The following MCPH1 variants were observed in gnomAD, a reference collection of about 807,000 sequenced individuals.
MCPH1 encodes microcephalin.
A neutral mutation model predicts 84.5 loss-of-function variants in MCPH1; 104 were observed. The ratio of observed to expected loss-of-function variants is 1.23; its 90% CI spans 1.05 to 1.45. MCPH1 has a LOEUF of 1.45. Ranked by LOEUF, MCPH1 falls within the 40% of genes most tolerant of loss-of-function variation. The pLI is 0.00. For missense variants in MCPH1, 1,498 were observed against 1,005.7 expected (o/e 1.49, Z -6.62); for synonymous variants, 514 against 366.8 (o/e 1.40, Z -4.58).
chr8:6,640,121 CGTGT>C (rs760065871), intron 13 of MCPH1, among the ~76,000 whole-genome samples: 10 of 122,154 alleles, frequency 8.2e-5, no homozygotes, highest in Admixed American at 2.5e-4. Flanking sequence ...TGTGTGTGTG[CGTGT>C]GTGTGTGTGT....
In MCPH1 at chr8:6,444,823, G is replaced by A. The variant is rs201084851; in HGVS notation, c.1101G>A (p.Pro367=). ...KRVSHGSHSP[P]KEKCKRKRST... is the part of the protein sequence containing the mutation. ...TATCACATGGCTCCCATTCACCTCCGAAGGAAAAATGCAAGAGAAAGAGGA... is the reference window on the plus strand; with the variant it reads ...TATCACATGGCTCCCATTCACCTCCAAAGGAAAAATGCAAGAGAAAGAGGA... Residue 367 remains proline (P), a synonymous_variant, in exon 8 of 14, where the codon CCG becomes CCA. Coordinates refer to ENST00000344683, the MANE Select transcript of MCPH1 (RefSeq NM_024596.5). 41 of 1,613,970 alleles carry A rather than the reference G, an allele frequency of 2.5e-5. No individual in the cohort carries two copies. Among genetic ancestry groups the A allele is most frequent in the East Asian group, 4.5e-5 (2 of 44,894 alleles).
At chr8:6,532,517 A>G (rs757965357) in intron 12 of MCPH1, 4 of 1,538,066 alleles carry the variant, frequency 2.6e-6, no homozygotes, top group East Asian at 2.4e-5. Context: ...GAAGGCAGTC[A>G]TTAGTCAAAT....
At chr8:6,527,006 T>A (rs1383381999) in intron 12 of MCPH1, among the ~76,000 whole-genome samples, 6 of 152,250 alleles carry the variant, frequency 3.9e-5, no homozygotes, top group Non-Finnish European at 8.8e-5. Flanking sequence ...TCATAAAATG[T>A]GCATTGGCTT....
At chr8:6,508,642 C>A in intron 12 of MCPH1, 1 of 574,538 alleles carries the variant, frequency 1.7e-6, no homozygotes, top group Admixed American at 3.3e-5. Flanking sequence ...ATCCAGCAAG[C>A]ACAAACGCAG....
At position 6,640,014 on chromosome 8, in the gene MCPH1, C is replaced by T. The variant is rs1047042161; in HGVS notation, c.2453-2980C>T. On this transcript the variant is annotated intron_variant, in intron 13 of 13. Transcript: ENST00000344683. The stretch of plus-strand genomic sequence containing the variant: ...TTAGCCTCCCAAGTAGGCGGGACTA[C>T]AGGCATGAACCCTGCAATACGGCTG... Among the ~76,000 whole-genome samples, 6 of 151,434 alleles carry T rather than the reference C, an allele frequency of 4.0e-5. No individual in the cohort carries two copies. In the East Asian group the frequency reaches 9.7e-4, roughly 24 times the overall value.
intron 12 of MCPH1, among the ~76,000 whole-genome samples, chr8:6,511,164 T>C (rs897876562): frequency 1.2e-4 from 18 of 152,220 alleles, no homozygotes; most frequent in Admixed American, 8.5e-4. Flanking sequence ...TTTATGAGTC[T>C]CTGTTAGAAA....
chr8:6,509,100 G>T (rs772309086), intron 12 of MCPH1: 3 of 1,598,236 alleles, frequency 1.9e-6, no homozygotes. Flanking sequence ...ATTGGCTAGG[G>T]TCATTGATTT....
chr8:6,492,997 A>G (rs1295325149), intron 11 of MCPH1, among the ~76,000 whole-genome samples: 2 of 152,188 alleles, frequency 1.3e-5, no homozygotes, highest in African/African-American at 2.4e-5. Context: ...CTTAGTAGCC[A>G]TAATATTTGG....
At chr8:6,504,562 C>G (rs1175153681) in intron 12 of MCPH1, among the ~76,000 whole-genome samples, 2 of 151,764 alleles carry the variant, frequency 1.3e-5, no homozygotes, top group Admixed American at 6.6e-5. Flanking sequence ...AATAATGGCC[C>G]CAAAAGTGCA....
At chr8:6,561,651 G>T (rs754305625) in intron 12 of MCPH1, among the ~76,000 whole-genome samples, 10 of 152,166 alleles carry the variant, frequency 6.6e-5, no homozygotes, top group Admixed American at 5.9e-4. Context: ...TGATGTAATG[G>T]CATCATCATG....
chr8:6,487,996 T>C (rs928725801), intron 11 of MCPH1, among the ~76,000 whole-genome samples: 1 of 152,262 alleles, frequency 6.6e-6, no homozygotes, highest in East Asian at 1.9e-4. Flanking sequence ...GTCTTACATT[T>C]ATCTCCAGGA....
intron 9 of MCPH1, among the ~76,000 whole-genome samples, chr8:6,461,630 A>G (rs1026810971): frequency 1.3e-5 from 2 of 151,864 alleles, no homozygotes; most frequent in African/African-American, 4.8e-5. Context: ...GTGAGCCACC[A>G]CACCCGGCCT....
chr8:6,476,493 T>A (rs1271967674), intron 9 of MCPH1, among the ~76,000 whole-genome samples: 2 of 148,398 alleles, frequency 1.3e-5, no homozygotes, highest in African/African-American at 2.5e-5. Flanking sequence ...AGCAGAAATA[T>A]AAAATTTTAC....
chr8:6,410,107 C>G (rs911596550), intron 2 of MCPH1, among the ~76,000 whole-genome samples: 1 of 151,844 alleles, frequency 6.6e-6, no homozygotes, highest in African/African-American at 2.4e-5. Flanking sequence ...GTATCTGGGA[C>G]TACAGGCACA....
intron 12 of MCPH1, chr8:6,502,021 A>G (rs529318587): frequency 8.1e-4 from 123 of 151,888 alleles, no homozygotes; most frequent in Admixed American, 1.7e-3. Context: ...GAATCTTGAG[A>G]CATATAGCTT....
intron 13 of MCPH1, among the ~76,000 whole-genome samples, chr8:6,624,424 C>T (rs1182409598): frequency 5.9e-5 from 9 of 152,170 alleles, no homozygotes; most frequent in Non-Finnish European, 1.0e-4. Context: ...GCGTAGTGGG[C>T]GTCTCCAGTG....
chr8:6,436,741 G>A (rs928751563), intron 5 of MCPH1, among the ~76,000 whole-genome samples: 5 of 151,556 alleles, frequency 3.3e-5, no homozygotes, highest in Admixed American at 6.6e-5. Flanking sequence ...AGGCAGAGGC[G>A]GGCGGATCAC....
chr8:6,606,646 G>A (rs1829800745), intron 12 of MCPH1, among the ~76,000 whole-genome samples: 1 of 152,208 alleles, frequency 6.6e-6, no homozygotes, highest in African/African-American at 2.4e-5. Flanking sequence ...ATGTGAGAAG[G>A]TGTATGTGAG....
chr8:6,548,934 C>G (rs570019676), intron 12 of MCPH1, among the ~76,000 whole-genome samples: 17 of 152,306 alleles, frequency 1.1e-4, no homozygotes, highest in African/African-American at 4.1e-4. Context: ...TTGTTAACCT[C>G]TGGTTATAAC....
Sources: gnomAD v4.1 joint callset for allele counts (sites outside exome capture counted in the v4.1 genomes callset) on GRCh38, gnomAD v4.1.1 for gene constraint, MANE v1.5 for transcripts, NCBI Gene and HGNC (gene_info 2026-07-23, HGNC 2026-07-21) for gene names.